The following KCNIP4 variants were observed in gnomAD, a reference collection of about 807,000 sequenced individuals.
The protein encoded by KCNIP4 is potassium voltage-gated channel interacting protein 4.
Under a neutral mutation model 34.0 loss-of-function variants are expected in KCNIP4, and 12 were observed. The observed-to-expected ratio is 0.35, with a 90% confidence interval of 0.23 to 0.57. The LOEUF (loss-of-function observed/expected upper bound fraction) is 0.57, where lower values mean the gene tolerates loss of function less well. Ranked by LOEUF, KCNIP4 falls within the 20% of genes least tolerant of loss-of-function variation. KCNIP4 has a pLI of 0.83. For missense variants in KCNIP4, 238 were observed against 311.7 expected (o/e 0.76, Z 1.78); for synonymous variants, 124 against 102.2 (o/e 1.21, Z -1.29).
intron 1 of KCNIP4, among the ~76,000 whole-genome samples, chr4:21,391,224 A>G (rs958852464): frequency 6.6e-6 from 1 of 152,186 alleles, no homozygotes; most frequent in Non-Finnish European, 1.5e-5. Flanking sequence ...ACTATGTTCC[A>G]AATACTTTAT....
intron 3 of KCNIP4, among the ~76,000 whole-genome samples, chr4:20,785,129 C>T (rs772628188): frequency 2.0e-5 from 3 of 151,972 alleles, no homozygotes; most frequent in Non-Finnish European, 4.4e-5. Context: ...CAGGGCTAGC[C>T]AAGCATCCCA....
chr4:21,087,931 C>T (rs528146667), intron 1 of KCNIP4, among the ~76,000 whole-genome samples: 1 of 152,136 alleles, frequency 6.6e-6, no homozygotes, highest in East Asian at 1.9e-4. Context: ...GATACGCTTC[C>T]CTTCTCACTC....
At chr4:21,890,442 T>G (rs1289362716) in intron 1 of KCNIP4, among the ~76,000 whole-genome samples, 3 of 152,156 alleles carry the variant, frequency 2.0e-5, no homozygotes, top group Non-Finnish European at 4.4e-5. Flanking sequence ...AATAACAGAT[T>G]TGAAGAGCCT....
At chr4:21,712,323 G>A (rs776016944) in intron 1 of KCNIP4, among the ~76,000 whole-genome samples, 1 of 152,132 alleles carries the variant, frequency 6.6e-6, no homozygotes, top group Non-Finnish European at 1.5e-5. Context: ...AAATGAACTG[G>A]CGTTCTTGTA....
chr4:21,364,122 T>G (rs1401803544), intron 1 of KCNIP4, among the ~76,000 whole-genome samples: 1 of 152,208 alleles, frequency 6.6e-6, no homozygotes, highest in Non-Finnish European at 1.5e-5. Context: ...ACACTTAATT[T>G]CTGTAACATT....
intron 1 of KCNIP4, among the ~76,000 whole-genome samples, chr4:21,103,910 G>C (rs568740977): frequency 6.6e-6 from 1 of 152,034 alleles, no homozygotes; most frequent in South Asian, 2.1e-4. Flanking sequence ...CGAAGGACAT[G>C]AACTCATCAT....
chr4:20,738,885 C>T (rs996934059), intron 5 of KCNIP4, among the ~76,000 whole-genome samples: 6 of 152,198 alleles, frequency 3.9e-5, no homozygotes, highest in Non-Finnish European at 8.8e-5. Flanking sequence ...AGGACACTTC[C>T]TGCCAATATT....
intron 1 of KCNIP4, among the ~76,000 whole-genome samples, chr4:21,111,665 A>G (rs2109103946): frequency 6.6e-6 from 1 of 152,346 alleles, no homozygotes; most frequent in East Asian, 1.9e-4. Context: ...ACAGCCCATC[A>G]TGGGATCAGG....
chr4:21,195,462 A>C lies in KCNIP4; in HGVS notation c.62-312753T>G, dbSNP rs188673293. ...TAAGGAGCTAGGAAAAATTTTACAA[A>C]ATGTCTCAGCACTGATGTTCATTTG... is the stretch of plus-strand genomic sequence containing the variant. On this transcript the variant is annotated intron_variant, in intron 1 of 8. Coordinates refer to ENST00000382152, the MANE Select transcript of KCNIP4 (RefSeq NM_025221.6). Among the ~76,000 whole-genome samples the C allele has an allele frequency of 1.1e-3, 175 of 152,304 alleles. 1 individual carries two copies. Among genetic ancestry groups the C allele is most frequent in the African/African-American group, 3.8e-3 (156 of 41,582 alleles).
chr4:21,808,479 T>C (rs745589124), intron 1 of KCNIP4, among the ~76,000 whole-genome samples: 14 of 152,206 alleles, frequency 9.2e-5, no homozygotes, highest in Non-Finnish European at 1.8e-4. Flanking sequence ...TACTTCATTG[T>C]AAGAATACAG....
chr4:21,222,326 T>A (rs4487334), intron 1 of KCNIP4, among the ~76,000 whole-genome samples: 1 of 152,174 alleles, frequency 6.6e-6, no homozygotes, highest in African/African-American at 2.4e-5. Flanking sequence ...AAAGAAGCTT[T>A]AATGCATTTG....
At chr4:21,411,045 T>TA (rs1435795250) in intron 1 of KCNIP4, among the ~76,000 whole-genome samples, 1 of 152,180 alleles carries the variant, frequency 6.6e-6, no homozygotes, top group Non-Finnish European at 1.5e-5. Context: ...ATGAAGCCTA[T>TA]AAATGCCAGG....
At chr4:21,485,074 T>C (rs1374428602) in intron 1 of KCNIP4, among the ~76,000 whole-genome samples, 1 of 152,196 alleles carries the variant, frequency 6.6e-6, no homozygotes, top group Admixed American at 6.5e-5. Flanking sequence ...GCAAAATTCA[T>C]AGTTGTCGCT....
At chr4:21,839,693 T>A (rs1578055013) in intron 1 of KCNIP4, among the ~76,000 whole-genome samples, 1 of 151,974 alleles carries the variant, frequency 6.6e-6, no homozygotes, top group African/African-American at 2.4e-5. Context: ...GTGGAGGAGG[T>A]TGGGTGAGCT....
At chr4:21,120,722 C>T (rs1204395355) in intron 1 of KCNIP4, among the ~76,000 whole-genome samples, 1 of 152,180 alleles carries the variant, frequency 6.6e-6, no homozygotes, top group Non-Finnish European at 1.5e-5. Flanking sequence ...CACCAGTTCT[C>T]TCCCTAAATA....
chr4:21,724,215 G>A (rs1240853570), intron 1 of KCNIP4, among the ~76,000 whole-genome samples: 1 of 151,768 alleles, frequency 6.6e-6, no homozygotes, highest in Non-Finnish European at 1.5e-5. Context: ...AAAGATCCCT[G>A]AGAGCCAATG....
intron 1 of KCNIP4, among the ~76,000 whole-genome samples, chr4:21,107,775 G>A (rs1473500525): frequency 5.9e-5 from 9 of 151,482 alleles, no homozygotes; most frequent in Admixed American, 2.0e-4. Flanking sequence ...TCCTTCAGGA[G>A]CTCTTTTAGG....
intron 1 of KCNIP4, among the ~76,000 whole-genome samples, chr4:21,855,092 A>T (rs1724666488): frequency 6.6e-6 from 1 of 152,208 alleles, no homozygotes; most frequent in Admixed American, 6.5e-5. Flanking sequence ...GGTCATTTAA[A>T]CATCGTCTTT....
intron 1 of KCNIP4, among the ~76,000 whole-genome samples, chr4:21,134,861 C>G (rs1466915903): frequency 6.6e-6 from 1 of 152,184 alleles, no homozygotes; most frequent in African/African-American, 2.4e-5. Context: ...GCATAGCCTT[C>G]GGCCATAAAC....
Sources: allele counts gnomAD v4.1 joint callset (sites outside exome capture counted in the v4.1 genomes callset), GRCh38; gene constraint gnomAD v4.1.1; transcripts MANE v1.5; gene names NCBI Gene and HGNC (gene_info 2026-07-23, HGNC 2026-07-21).